DNAH6: variants seen among roughly 807,000 people sequenced by gnomAD.
DNAH6 encodes the protein axonemal beta dynein heavy chain 6.
Under a neutral mutation model 491.4 loss-of-function variants are expected in DNAH6, and 340 were observed. The observed-to-expected ratio is 0.69, with a 90% confidence interval of 0.63 to 0.76. DNAH6 has a LOEUF of 0.76. Ranked by LOEUF, DNAH6 falls within the 30% of genes least tolerant of loss-of-function variation. DNAH6 has a pLI of 0.00. For synonymous variants in DNAH6, 1,603 were observed against 1,686.1 expected (o/e 0.95, Z 1.21); for missense variants, 4,443 against 4,972.2 (o/e 0.89, Z 3.20).
At chr2:84,726,784 A>T (rs3952615) in intron 60 of DNAH6, among the ~76,000 whole-genome samples, 1 of 110,994 alleles carries the variant, frequency 9.0e-6, no homozygotes. Context: ...AATAATAAAA[A>T]AAATAAAATA....
At chr2:84,760,694 T>C (rs1047559061) in intron 63 of DNAH6, among the ~76,000 whole-genome samples, 3 of 152,160 alleles carry the variant, frequency 2.0e-5, no homozygotes, top group African/African-American at 7.2e-5. Context: ...GGAATACACA[T>C]TTCCACTCTT....
chr2:84,504,359 A>AT, the DNAH6 span, among the ~76,000 whole-genome samples: 5 of 152,084 alleles, frequency 3.3e-5, no homozygotes, highest in African/African-American at 1.2e-4. Flanking sequence ...GCTATTTTGA[A>AT]TTCTCTGTCT....
chr2:84,815,415 AATCAC>A (rs1573894104), intron 75 of DNAH6, among the ~76,000 whole-genome samples: 1 of 151,994 alleles, frequency 6.6e-6, no homozygotes, highest in East Asian at 1.9e-4. Context: ...GGAGACATCC[AATCAC>A]ATCACAGGAA....
chr2:84,661,019 AAAT>A (rs1318857617), intron 37 of DNAH6, among the ~76,000 whole-genome samples: 1 of 152,130 alleles, frequency 6.6e-6, no homozygotes, highest in African/African-American at 2.4e-5. Flanking sequence ...AATGTAAATT[AAAT>A]AATAATATGT....
chr2:84,617,601 G>A (rs1573238264), intron 23 of DNAH6, among the ~76,000 whole-genome samples: 1 of 151,716 alleles, frequency 6.6e-6, no homozygotes. Context: ...ATCTCCATGA[G>A]TTCAATTGTT....
the DNAH6 span, among the ~76,000 whole-genome samples, chr2:84,472,787 T>G: frequency 6.6e-6 from 1 of 152,240 alleles, no homozygotes; most frequent in Non-Finnish European, 1.5e-5. Flanking sequence ...GAGGTTAGTA[T>G]GTGCTCTCAT....
chr2:84,576,422 C>G (rs1682452797), intron 12 of DNAH6, among the ~76,000 whole-genome samples: 1 of 152,058 alleles, frequency 6.6e-6, no homozygotes, highest in Non-Finnish European at 1.5e-5. Context: ...AGGCAGGAAA[C>G]AGCACCCCTT....
chr2:84,488,673 G>A, the DNAH6 span, among the ~76,000 whole-genome samples: 14 of 152,160 alleles, frequency 9.2e-5, no homozygotes, highest in African/African-American at 2.4e-4. Flanking sequence ...CATTGGGCCC[G>A]CCTGAATAAT....
At chr2:84,485,693 C>A in the DNAH6 span, among the ~76,000 whole-genome samples, 201 of 152,112 alleles carry the variant, frequency 1.3e-3, 1 homozygote, top group Non-Finnish European at 1.2e-3. Flanking sequence ...TTCCTAAAGG[C>A]CAATTATGTG....
intron 4 of DNAH6, among the ~76,000 whole-genome samples, chr2:84,536,053 A>T (rs1417337189): frequency 6.6e-6 from 1 of 152,068 alleles, no homozygotes; most frequent in African/African-American, 2.4e-5. Context: ...TAAAATTATG[A>T]ATTACAAATT....
At chr2:84,499,632 G>C in the DNAH6 span, among the ~76,000 whole-genome samples, 2 of 152,144 alleles carry the variant, frequency 1.3e-5, no homozygotes, top group African/African-American at 2.4e-5. Flanking sequence ...TCTCCATAGT[G>C]GTTGTACTAA....
At position 84,710,415 on chromosome 2, in the gene DNAH6, T is replaced by C. The variant is rs375217486; in HGVS notation, c.9378+3T>C. The C allele has an allele frequency of 2.1e-5, 32 of 1,551,568 alleles. No homozygotes were observed. Among genetic ancestry groups the C allele is most frequent in the Non-Finnish European group, 2.6e-5 (30 of 1,146,880 alleles). On this transcript the variant is annotated splice_donor_region_variant and intron_variant, in intron 56 of 76. Transcript: ENST00000389394. ...GTTTACCTGTCTTACTGGAAGAGGT[T>C]TGATTTTCACTTCCTTTTCTCATGT...
At chr2:84,813,883 C>A in intron 74 of DNAH6, 88 bp from the exon 75 acceptor site, 1 of 1,391,040 alleles carries the variant, frequency 7.2e-7, no homozygotes, top group Non-Finnish European at 9.9e-7. Context: ...TCTCTAATGC[C>A]AGGGCAGCCT....
intron 39 of DNAH6, 66 bp downstream of exon 39, chr2:84,670,541 G>T: frequency 9.2e-7 from 1 of 1,083,292 alleles, no homozygotes; most frequent in South Asian, 1.5e-5. Flanking sequence ...GACATAAATA[G>T]TGCATGTAAT....
intron 29 of DNAH6, among the ~76,000 whole-genome samples, chr2:84,634,071 G>A (rs753502569): frequency 7.2e-5 from 11 of 152,200 alleles, no homozygotes; most frequent in Non-Finnish European, 1.6e-4. Flanking sequence ...AATCTGCACA[G>A]CTATGCCTTC....
chr2:84,804,956 G>C (rs549867678), intron 70 of DNAH6, among the ~76,000 whole-genome samples: 1 of 152,012 alleles, frequency 6.6e-6, no homozygotes. Context: ...TAGGACCACA[G>C]GTATACACCA....
At chr2:84,777,935 C>T in intron 64 of DNAH6, 1 of 1,031,898 alleles carries the variant, frequency 9.7e-7, no homozygotes, top group Non-Finnish European at 1.5e-6. Context: ...ATTAAGACGG[C>T]TTTCTCCCTC....
At chr2:84,480,999 T>C in the DNAH6 span, among the ~76,000 whole-genome samples, 1 of 151,862 alleles carries the variant, frequency 6.6e-6, no homozygotes, top group Non-Finnish European at 1.5e-5. Context: ...TGAGGGCTTA[T>C]CTCACTCCAG....
the DNAH6 span, among the ~76,000 whole-genome samples, chr2:84,474,125 A>G: frequency 8.7e-4 from 133 of 152,214 alleles, 1 homozygote; most frequent in Admixed American, 1.6e-3. Flanking sequence ...ATCTATCACT[A>G]TGAGAGGCCA....
Sources: allele counts gnomAD v4.1 joint callset (sites outside exome capture counted in the v4.1 genomes callset), GRCh38; gene constraint gnomAD v4.1.1; transcripts MANE v1.5; gene names NCBI Gene and HGNC (gene_info 2026-07-23, HGNC 2026-07-21).